MAPK8: variants seen among roughly 807,000 people sequenced by gnomAD.
The protein encoded by MAPK8 is JUN N-terminal kinase.
Under a neutral mutation model 52.9 loss-of-function variants are expected in MAPK8, and 13 were observed. The observed-to-expected ratio is 0.25, with a 90% CI of 0.16 to 0.39. The LOEUF (loss-of-function observed/expected upper bound fraction) is 0.39, where lower values mean the gene tolerates loss of function less well. Among genes scored for constraint, MAPK8 ranks in the 10% least tolerant of loss-of-function variants. MAPK8 has a pLI of 1.00. For synonymous variants in MAPK8, 191 were observed against 169.8 expected (o/e 1.12, Z -0.97); for missense variants, 300 against 519.2 (o/e 0.58, Z 4.10).
intron 1 of MAPK8, among the ~76,000 whole-genome samples, chr10:48,382,048 A>G (rs2041037652): frequency 6.6e-6 from 1 of 152,176 alleles, no homozygotes; most frequent in Non-Finnish European, 1.5e-5. Flanking sequence ...AGGAGACAAC[A>G]GCCAGGCCAG....
At chr10:48,311,527 G>A (rs1692100698) in intron 1 of MAPK8, among the ~76,000 whole-genome samples, 1 of 152,162 alleles carries the variant, frequency 6.6e-6, no homozygotes, top group African/African-American at 2.4e-5. Context: ...GTTTGTTATA[G>A]ACATCTAAAG....
At chr10:48,390,811 A>C (rs2041582107) in intron 1 of MAPK8, among the ~76,000 whole-genome samples, 2 of 152,352 alleles carry the variant, frequency 1.3e-5, no homozygotes, top group East Asian at 3.9e-4. Context: ...TACTTTAAAA[A>C]GATTTACATT....
At chr10:48,404,686 T>G (rs916294100) in intron 2 of MAPK8, among the ~76,000 whole-genome samples, 166 bp from the exon 3 acceptor site, 1 of 152,200 alleles carries the variant, frequency 6.6e-6, no homozygotes, top group Admixed American at 6.5e-5. Context: ...CAAAAAAATA[T>G]ATGTTGTAAT....
chr10:48,309,401 T>A (rs977552347), intron 1 of MAPK8, among the ~76,000 whole-genome samples: 1 of 152,176 alleles, frequency 6.6e-6, no homozygotes, highest in Non-Finnish European at 1.5e-5. Context: ...AGTAAATATA[T>A]TCCTTTAGTA....
chr10:48,382,578 A>G (rs1024182864), intron 1 of MAPK8, among the ~76,000 whole-genome samples: 5 of 152,012 alleles, frequency 3.3e-5, no homozygotes, highest in Non-Finnish European at 5.9e-5. Context: ...TTTATTGTAT[A>G]TGCCTGAAGC....
At chr10:48,420,893 A>AC (rs2043316204) in intron 6 of MAPK8, among the ~76,000 whole-genome samples, 1 of 152,216 alleles carries the variant, frequency 6.6e-6, no homozygotes, top group Admixed American at 6.5e-5. Flanking sequence ...CAGTTGTATC[A>AC]ATCAACCTAA....
intron 9 of MAPK8, 43 bp from the exon 10 acceptor site, chr10:48,427,037 T>C (rs1193312489): frequency 4.8e-6 from 7 of 1,445,202 alleles, no homozygotes; most frequent in Non-Finnish European, 6.8e-6. Context: ...GTTAAAATAC[T>C]CCCAGCATAC....
intron 11 of MAPK8, among the ~76,000 whole-genome samples, chr10:48,433,117 G>A (rs919102713): frequency 5.9e-5 from 9 of 152,182 alleles, no homozygotes; most frequent in Admixed American, 2.0e-4. Context: ...AATGACCCAT[G>A]TGAGACTAAA....
At chr10:48,360,335 C>CT (rs2132522506) in intron 1 of MAPK8, among the ~76,000 whole-genome samples, 1 of 152,256 alleles carries the variant, frequency 6.6e-6, no homozygotes, top group Non-Finnish European at 1.5e-5. Flanking sequence ...ATTTAAAAGT[C>CT]TGTCAATTCC....
chr10:48,322,830 C>G (rs1019726570), intron 1 of MAPK8, among the ~76,000 whole-genome samples: 1 of 152,176 alleles, frequency 6.6e-6, no homozygotes, highest in Non-Finnish European at 1.5e-5. Flanking sequence ...GGTCTTCATG[C>G]TTTTTCACTA....
At chr10:48,360,999 G>T (rs546879396) in intron 1 of MAPK8, among the ~76,000 whole-genome samples, 5 of 152,024 alleles carry the variant, frequency 3.3e-5, no homozygotes, top group Admixed American at 3.3e-4. Flanking sequence ...TGCATTTTTT[G>T]TACATTTCTA....
Position 48,401,752 on chromosome 10 carries a change from C to T in MAPK8, c.92C>T (p.Pro31Leu), listed in dbSNP as rs1417658483. Reference protein sequence around the residue: ...TVLKRYQNLKPIGSGAQGIVC... With the variant: ...TVLKRYQNLKLIGSGAQGIVC... ...CTGAAACGATATCAGAATTTAAAAC[C>T]TATAGGCTCAGGAGCTCAAGGAATA... Residue 31 changes from proline (P) to leucine (L), a missense_variant, in exon 2 of 12, where the codon CCT becomes CTT. Pro to Leu is a moderately conservative substitution (Grantham distance 98). Transcript: ENST00000374189. 6.4e-7 allele frequency: 1 copy of T among 1,555,252 alleles called. No individual in the cohort carries two copies.
intron 1 of MAPK8, among the ~76,000 whole-genome samples, chr10:48,367,624 AT>A (rs1229157465): frequency 6.6e-6 from 1 of 152,154 alleles, no homozygotes; most frequent in African/African-American, 2.4e-5. Context: ...TTCTTCACTT[AT>A]GTTGAGTTGC....
intron 1 of MAPK8, among the ~76,000 whole-genome samples, chr10:48,338,503 C>A: frequency 6.6e-6 from 1 of 152,112 alleles, no homozygotes; most frequent in East Asian, 1.9e-4. Context: ...GAAAGCATTT[C>A]CCCTAAGAAC....
At chr10:48,379,038 T>C (rs1374197571) in intron 1 of MAPK8, among the ~76,000 whole-genome samples, 2 of 152,260 alleles carry the variant, frequency 1.3e-5, no homozygotes, top group Admixed American at 6.5e-5. Flanking sequence ...GAGTAGTGAT[T>C]GGTCATATAG....
At chr10:48,391,487 A>G (rs1407306740) in intron 1 of MAPK8, among the ~76,000 whole-genome samples, 1 of 152,160 alleles carries the variant, frequency 6.6e-6, no homozygotes, top group Non-Finnish European at 1.5e-5. Context: ...TCCTCTATAA[A>G]TCTCACCAGT....
At chr10:48,398,540 T>C (rs2042003610) in intron 1 of MAPK8, among the ~76,000 whole-genome samples, 1 of 152,156 alleles carries the variant, frequency 6.6e-6, no homozygotes, top group Admixed American at 6.5e-5. Context: ...AGTTTGACAA[T>C]TTCTTAAAAA....
chr10:48,409,509 A>AC (rs2042636865), intron 3 of MAPK8, among the ~76,000 whole-genome samples: 1 of 152,202 alleles, frequency 6.6e-6, no homozygotes, highest in Non-Finnish European at 1.5e-5. Flanking sequence ...ATTATGAAAA[A>AC]CCAAGGGAGG....
intron 7 of MAPK8, chr10:48,424,446 T>C: frequency 9.3e-7 from 1 of 1,070,006 alleles, no homozygotes; most frequent in East Asian, 2.4e-5. Flanking sequence ...TGTGTGATTT[T>C]ATTTCTTTCT....
Sources: gnomAD v4.1 joint callset for allele counts (sites outside exome capture counted in the v4.1 genomes callset) on GRCh38, gnomAD v4.1.1 for gene constraint, MANE v1.5 for transcripts, NCBI Gene and HGNC (gene_info 2026-07-23, HGNC 2026-07-21) for gene names.